Variants in PDE1C observed in about 807,000 individuals in gnomAD.
PDE1C encodes phosphodiesterase 1C.
PDE1C carries 62 observed loss-of-function variants against 93.1 expected under a neutral mutation model. The observed-to-expected ratio is 0.67, with a 90% CI of 0.54 to 0.82. PDE1C has a LOEUF of 0.82. Among genes scored for constraint, PDE1C ranks in the 40% least tolerant of loss-of-function variants. The probability of loss-of-function intolerance (pLI) is 0.00; values close to 1 mark genes in which losing one functional copy is unlikely to be tolerated. For synonymous variants in PDE1C, 325 were observed against 310.1 expected (o/e 1.05, Z -0.50); for missense variants, 742 against 884.6 (o/e 0.84, Z 2.04).
At chr7:32,310,994 A>G (rs1416731185) in intron 1 of PDE1C, among the ~76,000 whole-genome samples, 1 of 152,240 alleles carries the variant, frequency 6.6e-6, no homozygotes, top group African/African-American at 2.4e-5. Context: ...AACAAAATTG[A>G]TAGACCGCTA....
chr7:31,733,183 T>C, the PDE1C span, among the ~76,000 whole-genome samples: 1 of 152,220 alleles, frequency 6.6e-6, no homozygotes, highest in Non-Finnish European at 1.5e-5. Context: ...GAGCACCTCC[T>C]TGCCGTCACC....
chr7:32,364,069 A>C (rs867348497), intron 1 of PDE1C, among the ~76,000 whole-genome samples: 3 of 152,210 alleles, frequency 2.0e-5, no homozygotes, highest in Non-Finnish European at 4.4e-5. Flanking sequence ...CTGAACTCTC[A>C]AATCTACACT....
chr7:31,740,978 A>T, the PDE1C span, among the ~76,000 whole-genome samples: 1 of 151,844 alleles, frequency 6.6e-6, no homozygotes, highest in Non-Finnish European at 1.5e-5. Flanking sequence ...CTGAAGTGGG[A>T]GGATCTCTTG....
chr7:32,053,966 T>C (rs931580152), intron 1 of PDE1C, among the ~76,000 whole-genome samples: 1 of 151,654 alleles, frequency 6.6e-6, no homozygotes, highest in Non-Finnish European at 1.5e-5. Context: ...GGAAGAAATA[T>C]GGAAGTATAC....
At chr7:31,898,753 G>A (rs979107372) in intron 2 of PDE1C, among the ~76,000 whole-genome samples, 14 of 152,148 alleles carry the variant, frequency 9.2e-5, no homozygotes, top group African/African-American at 3.4e-4. Context: ...CCAGCAGAAC[G>A]TGAGCGTGGC....
At chr7:31,991,392 C>T (rs1440962612) in intron 2 of PDE1C, among the ~76,000 whole-genome samples, 4 of 152,184 alleles carry the variant, frequency 2.6e-5, no homozygotes, top group Non-Finnish European at 5.9e-5. Flanking sequence ...GGCTCTCGTG[C>T]TATACAAAGG....
Position 31,848,012 on chromosome 7 carries a change from G to A in PDE1C, c.936C>T (p.Asp312=), listed in dbSNP as rs373367847. 120 of 1,612,780 alleles carry A rather than the reference G, an allele frequency of 7.4e-5. No individual in the cohort carries two copies. In the East Asian group the frequency reaches 8.9e-4, roughly 12 times the overall value. ...GGTTAATCAAAATATTCATTTCCTCGTCATCTTGCAGAAGGCGATAAGCTG... is the reference window on the plus strand; with the variant it reads ...GGTTAATCAAAATATTCATTTCCTCATCATCTTGCAGAAGGCGATAAGCTG... ...LSAAYRLLQD[D]EEMNILINLS... The change falls in exon 9 of 18, where the codon GAC becomes GAT. Residue 312 remains aspartate (D), a synonymous_variant. Coordinates refer to ENST00000396191, the MANE Select transcript of PDE1C (RefSeq NM_001191057.4).
At chr7:31,845,077 G>C (rs1028998630) in intron 9 of PDE1C, among the ~76,000 whole-genome samples, 1 of 151,988 alleles carries the variant, frequency 6.6e-6, no homozygotes, top group African/African-American at 2.4e-5. Flanking sequence ...AAGTTCTAAA[G>C]AAATTTCTTT....
At chr7:31,693,135 C>A in the PDE1C span, among the ~76,000 whole-genome samples, 2 of 152,036 alleles carry the variant, frequency 1.3e-5, no homozygotes, top group Non-Finnish European at 2.9e-5. Flanking sequence ...GTTATGACTC[C>A]CCCCTCCTCT....
At chr7:32,183,717 A>T (rs1249029338) in intron 2 of PDE1C, among the ~76,000 whole-genome samples, 2 of 152,232 alleles carry the variant, frequency 1.3e-5, no homozygotes, top group African/African-American at 2.4e-5. Flanking sequence ...AACCTAGGCA[A>T]TACCATTGAG....
intron 1 of PDE1C, among the ~76,000 whole-genome samples, chr7:32,226,086 C>T (rs1225562191): frequency 6.6e-6 from 1 of 152,082 alleles, no homozygotes; most frequent in African/African-American, 2.4e-5. Context: ...AAGAAAGTTG[C>T]TTCAATTGTG....
chr7:32,153,522 G>T (rs1024358212), intron 3 of PDE1C, among the ~76,000 whole-genome samples: 2 of 152,170 alleles, frequency 1.3e-5, no homozygotes, highest in Admixed American at 1.3e-4. Context: ...CAGAGTGGGG[G>T]TTCTCAGCCC....
intron 7 of PDE1C, among the ~76,000 whole-genome samples, chr7:31,858,374 C>T (rs1243557248): frequency 6.6e-6 from 1 of 152,096 alleles, no homozygotes; most frequent in Non-Finnish European, 1.5e-5. Context: ...TGCCTGACAA[C>T]ACTCAGGAGG....
intron 2 of PDE1C, among the ~76,000 whole-genome samples, chr7:31,903,074 C>G (rs1188429552): frequency 6.6e-6 from 1 of 151,750 alleles, no homozygotes; most frequent in East Asian, 1.9e-4. Context: ...AAGGCAAAAG[C>G]TGTACTACTC....
Position 31,858,998 on chromosome 7 carries a change from A to G in PDE1C, c.750+5944T>C, listed in dbSNP as rs1274882944. On this transcript the variant is annotated intron_variant, in intron 7 of 17. Transcript: ENST00000396191. ...GGAGGCTAACCAGAATATCATTTAC[A>G]GTAGTGAAAAAAAATTTTAACTGTT... Among the ~76,000 whole-genome samples the G allele has an allele frequency of 3.3e-5, 5 of 151,810 alleles. No homozygotes were observed. In the East Asian group the frequency reaches 9.7e-4, roughly 29 times the overall value.
the PDE1C span, among the ~76,000 whole-genome samples, chr7:31,633,779 G>A: frequency 6.6e-6 from 1 of 152,196 alleles, no homozygotes; most frequent in African/African-American, 2.4e-5. Context: ...CCATAAAATA[G>A]TTAAAGTAGA....
At chr7:32,222,532 G>T (rs896437649) in intron 1 of PDE1C, among the ~76,000 whole-genome samples, 4 of 152,206 alleles carry the variant, frequency 2.6e-5, no homozygotes, top group African/African-American at 9.6e-5. Context: ...CTACCAACCA[G>T]TTAAGGACTT....
chr7:31,872,206 T>C (rs1048398773), intron 6 of PDE1C, among the ~76,000 whole-genome samples: 1 of 152,092 alleles, frequency 6.6e-6, no homozygotes, highest in African/African-American at 2.4e-5. Context: ...GAATGATAGA[T>C]ACTGGAGGCT....
At chr7:32,159,166 C>A (rs1801758629) in intron 3 of PDE1C, among the ~76,000 whole-genome samples, 1 of 152,170 alleles carries the variant, frequency 6.6e-6, no homozygotes, top group Admixed American at 6.5e-5. Flanking sequence ...TCACCTCATG[C>A]AGCTTCAGTG....
Sources: allele counts gnomAD v4.1 joint callset (sites outside exome capture counted in the v4.1 genomes callset), GRCh38; gene constraint gnomAD v4.1.1; transcripts MANE v1.5; gene names NCBI Gene and HGNC (gene_info 2026-07-23, HGNC 2026-07-21).